The following CUX1 variants were observed in gnomAD, a reference collection of about 807,000 sequenced individuals.
CUX1 encodes protein CASP.
Under a neutral mutation model 158.8 loss-of-function variants are expected in CUX1, and 31 were observed. The ratio of observed to expected loss-of-function variants is 0.20; its 90% CI spans 0.15 to 0.26. The LOEUF (loss-of-function observed/expected upper bound fraction) is 0.26, where lower values mean the gene tolerates loss of function less well. Ranked by LOEUF, CUX1 falls within the 10% of genes least tolerant of loss-of-function variation. The pLI is 1.00. For missense variants in CUX1, 1,589 were observed against 2,014.6 expected (o/e 0.79, Z 4.04); for synonymous variants, 879 against 862.1 (o/e 1.02, Z -0.34).
chr7:102,170,218 T>C (rs535335289), intron 9 of CUX1, among the ~76,000 whole-genome samples: 2 of 152,324 alleles, frequency 1.3e-5, no homozygotes, highest in South Asian at 4.1e-4. Context: ...GGGATTCCTT[T>C]GCTCCTAGCG....
chr7:102,081,204 T>C (rs1296718702), intron 4 of CUX1, among the ~76,000 whole-genome samples: 1 of 152,126 alleles, frequency 6.6e-6, no homozygotes, highest in Non-Finnish European at 1.5e-5. Flanking sequence ...TCCTTTTCAT[T>C]TGCATTCCCT....
rs138425081 is a variant in CUX1 at position 102,067,159 on chromosome 7, C to G, written c.190-3180C>G. Among the ~76,000 whole-genome samples, 750 of 152,024 alleles carry G rather than the reference C, an allele frequency of 4.9e-3. 7 individuals carry two copies. Among genetic ancestry groups the G allele is most frequent in the African/African-American group, 0.017 (698 of 41,468 alleles). On this transcript the variant is annotated intron_variant, in intron 3 of 23. Transcript: ENST00000292535. ...CCAGCCCCTCCTTCCCACCCACCCC[C>G]AGTCTGAGACCACTCTTAATGTATA...
chr7:101,869,770 G>T lies in CUX1; in HGVS notation c.31-46345G>T, dbSNP rs904337341. ...GAAGCGCAGGGGAGGCGCAGGGGAG[G>T]CCAGGCTCTGGCATTTCCCAGGAAT... is the stretch of plus-strand genomic sequence containing the variant. On this transcript the variant is annotated intron_variant, in intron 1 of 23. Coordinates refer to ENST00000292535, the MANE Select transcript of CUX1 (RefSeq NM_181552.4). This position sits in a 1 kb window ranked among gnomAD's most constrained non-coding sequence, Gnocchi z 4.5. Among the ~76,000 whole-genome samples, 2 of 152,170 alleles carry T rather than the reference G, an allele frequency of 1.3e-5. No individual in the cohort carries two copies. The highest frequency in any genetic ancestry group is 2.4e-5 in the African/African-American group (1 of 41,424).
intron 3 of CUX1, among the ~76,000 whole-genome samples, chr7:102,039,419 C>T (rs1821797258): frequency 2.0e-5 from 3 of 151,688 alleles, no homozygotes; most frequent in Admixed American, 6.6e-5. Flanking sequence ...TTTGAGAGGC[C>T]GAGACAGGCG....
Position 102,032,983 on chromosome 7 carries a change from C to G in CUX1, c.189+4838C>G, listed in dbSNP as rs1389863307. Among the ~76,000 whole-genome samples, 5 of 152,194 alleles carry G rather than the reference C, an allele frequency of 3.3e-5. No homozygotes were observed. In the East Asian group the frequency reaches 9.6e-4, roughly 29 times the overall value. ...TAGTCTGGCCAATCCTTGCTTCTCT[C>G]CCTGAGAAGGGGCGTGTTATGGAAG... On this transcript the variant is annotated intron_variant, in intron 3 of 23. Transcript: ENST00000292535.
intron 2 of CUX1, among the ~76,000 whole-genome samples, chr7:102,009,200 A>G (rs1817712817): frequency 6.6e-6 from 1 of 152,108 alleles, no homozygotes; most frequent in Non-Finnish European, 1.5e-5. Context: ...GGAATTCCAG[A>G]TTTCCTATTT....
intron 11 of CUX1, among the ~76,000 whole-genome samples, chr7:102,184,011 C>T (rs1218819171): frequency 6.6e-6 from 1 of 152,188 alleles, no homozygotes; most frequent in Admixed American, 6.5e-5. Flanking sequence ...AATCCTCCCA[C>T]CTCAGCCTCC....
At chr7:102,031,590 CAAAAG>C in intron 3 of CUX1, among the ~76,000 whole-genome samples, 1 of 152,034 alleles carries the variant, frequency 6.6e-6, no homozygotes, top group Admixed American at 6.6e-5. Context: ...TTTGAACCCA[CAAAAG>C]AAAGGTAATT....
chr7:102,276,154 G>A (rs1554547710), intron 17 of CUX1, among the ~76,000 whole-genome samples: 1 of 152,066 alleles, frequency 6.6e-6, no homozygotes. Context: ...GTGAACATGG[G>A]TGTATAAATA....
intron 1 of CUX1, among the ~76,000 whole-genome samples, chr7:101,895,914 TTTTTTTTTTTTTG>T (rs1801452163): frequency 1.5e-5 from 2 of 131,292 alleles, no homozygotes; most frequent in Non-Finnish European, 1.6e-5. Context: ...TTTTGTTTTT[TTTTTTTTTTTTTG>T]GAGACAGGGT....
chr7:101,900,395 G>A (rs765746566), intron 1 of CUX1, among the ~76,000 whole-genome samples: 1 of 152,190 alleles, frequency 6.6e-6, no homozygotes, highest in Non-Finnish European at 1.5e-5. Flanking sequence ...GTTCTGCGGG[G>A]CCATCTGGCT....
chr7:101,832,049 G>A (rs1168562396), intron 1 of CUX1, among the ~76,000 whole-genome samples: 7 of 152,114 alleles, frequency 4.6e-5, no homozygotes, highest in African/African-American at 7.2e-5. Context: ...GCCTAGCCCC[G>A]ATTTTTAAAC....
intron 2 of CUX1, among the ~76,000 whole-genome samples, chr7:101,932,986 A>C (rs940725689): frequency 6.6e-6 from 1 of 152,236 alleles, no homozygotes; most frequent in Non-Finnish European, 1.5e-5. Flanking sequence ...AACTTGATAA[A>C]ATGTTTGGCT....
chr7:101,949,131 T>TTAA (rs1441599252), intron 2 of CUX1, among the ~76,000 whole-genome samples: 14 of 152,130 alleles, frequency 9.2e-5, no homozygotes, highest in African/African-American at 3.4e-4. Flanking sequence ...TTGGTCATTA[T>TTAA]TATTATTATT....
At chr7:102,168,898 C>A (rs151036370) in intron 9 of CUX1, among the ~76,000 whole-genome samples, 4 of 121,502 alleles carry the variant, frequency 3.3e-5, no homozygotes, top group East Asian at 4.1e-4. Context: ...CTTTTCTTTT[C>A]TTTTCTTTTC....
chr7:101,904,830 A>C lies in CUX1; in HGVS notation c.31-11285A>C, dbSNP rs191950069. 3.3e-5 allele frequency among the ~76,000 whole-genome samples: 5 copies of C among 152,240 alleles called. No individual in the cohort carries two copies. The East Asian group carries it at 9.6e-4, about 29-fold the overall frequency. ...GTGATCCCCCTGCCTTGCCCTCCCAAAGTGCTGGGATTACAGGCGTGAGCC... is the reference window on the plus strand; with the variant it reads ...GTGATCCCCCTGCCTTGCCCTCCCACAGTGCTGGGATTACAGGCGTGAGCC... On this transcript the variant is annotated intron_variant, in intron 1 of 23. Coordinates refer to ENST00000292535, the MANE Select transcript of CUX1 (RefSeq NM_181552.4).
chr7:101,954,946 C>T (rs1312197569), intron 2 of CUX1, among the ~76,000 whole-genome samples: 4 of 151,874 alleles, frequency 2.6e-5, no homozygotes, highest in Non-Finnish European at 5.9e-5. Context: ...CCGAGGCAGG[C>T]GATCACCTGA....
rs971053932 is a variant in CUX1 at position 101,831,591 on chromosome 7, C to T, written c.30+13922C>T. ...ACAGCCGTGAGCCACCATGCCTGGC[C>T]GGAACTGACATTCTTGCAAGGGGGA... On this transcript the variant is annotated intron_variant, in intron 1 of 23. Transcript: ENST00000292535. Among the ~76,000 whole-genome samples, 9 of 151,182 alleles carry T rather than the reference C, an allele frequency of 6.0e-5. No individual in the cohort carries two copies. The South Asian group carries it at 8.4e-4, about 14-fold the overall frequency.
intron 20 of CUX1, among the ~76,000 whole-genome samples, chr7:102,225,298 C>G (rs1554528302): frequency 6.6e-6 from 1 of 152,140 alleles, no homozygotes; most frequent in Non-Finnish European, 1.5e-5. Flanking sequence ...ACGGGTTGAT[C>G]GCTTAAGTTG....
Sources: gnomAD v4.1 joint callset for allele counts (sites outside exome capture counted in the v4.1 genomes callset) on GRCh38, gnomAD v4.1.1 for gene constraint, Gnocchi (gnomAD v3.1) non-coding constraint, MANE v1.5 for transcripts, NCBI Gene and HGNC (gene_info 2026-07-23, HGNC 2026-07-21) for gene names.